The following DPP3 variants were observed in gnomAD, a reference collection of about 807,000 sequenced individuals.
DPP3 encodes the protein DPP III.
Under a neutral mutation model 89.8 loss-of-function variants are expected in DPP3, and 64 were observed. The ratio of observed to expected loss-of-function variants is 0.71; its 90% CI spans 0.58 to 0.88. DPP3 has a LOEUF of 0.88. Ranked by LOEUF, DPP3 falls within the 40% of genes least tolerant of loss-of-function variation. The pLI, the probability that DPP3 is intolerant of heterozygous loss-of-function variation, is 0.00. For missense variants in DPP3, 835 were observed against 972.5 expected, an observed-to-expected ratio of 0.86 and a Z score of 1.88; for synonymous variants, 377 against 404.3, an observed-to-expected ratio of 0.93 and a Z score of 0.81.
chr11:66,496,953 G>A (rs1006227912), intron 15 of DPP3, among the ~76,000 whole-genome samples: 7 of 152,164 alleles, frequency 4.6e-5, no homozygotes, highest in Non-Finnish European at 8.8e-5. Context: ...AGTGTTTGGG[G>A]ACCCTGGAGG....
At chr11:66,487,132 C>G (rs1167625444) in intron 4 of DPP3, 136 bp from the exon 5 acceptor site, 1 of 793,506 alleles carries the variant, frequency 1.3e-6, no homozygotes, top group African/African-American at 1.7e-5. Flanking sequence ...ATAACTTTTT[C>G]CCCTGGAGGT....
chr11:66,485,311 T>G (rs1855196837), intron 3 of DPP3, 49 bp downstream of exon 3: 1 of 1,570,514 alleles, frequency 6.4e-7, no homozygotes, highest in African/African-American at 1.4e-5. Context: ...GCTGGTGGGG[T>G]AGAGATGGAA....
rs201608803 is a variant in DPP3, at chr11:66,487,977, G to A, written c.637G>A (p.Glu213Lys). 1.9e-6 allele frequency: 3 copies of A among 1,614,048 alleles called. No homozygotes were observed. Among genetic ancestry groups the A allele is most frequent in the East Asian group, 2.2e-5 (1 of 44,884 alleles). ...CGATGGAGAAGGGAAGCCCTACTAC[G>A]AGGTGCGGCTGGCTTCTGTGCTTGG... The part of the protein sequence containing the change: ...EVDGEGKPYY[E>K]VRLASVLGSE... The change falls in exon 6 of 18, where the codon GAG becomes AAG. Residue 213 changes from glutamate (E) to lysine (K), a missense_variant. Glu to Lys is a moderately conservative substitution (Grantham distance 56, BLOSUM62 1). Coordinates refer to ENST00000531863, the MANE Select transcript of DPP3 (RefSeq NM_130443.4).
chr11:66,480,484 G>C lies in DPP3; in HGVS notation c.-9+19G>C, dbSNP rs1855042262. 7 of 1,480,240 alleles carry C rather than the reference G, an allele frequency of 4.7e-6. No homozygotes were observed. Among genetic ancestry groups the C allele is most frequent in the Non-Finnish European group, 5.3e-6 (6 of 1,123,752 alleles). The allele number at this position is 1,480,240 out of a possible 1,614,324, so 91.7% of individuals were successfully genotyped here. The stretch of plus-strand genomic sequence containing the variant: ...GCTGCAGGTGAGGCGCGGCGCCTGG[G>C]CTTTTGGGGTCAAAGCGTGTCATCC... On this transcript the variant is annotated intron_variant, in intron 1 of 17. Coordinates refer to ENST00000531863, the MANE Select transcript of DPP3 (RefSeq NM_130443.4).
chr11:66,495,066 T>A, intron 12 of DPP3, 140 bp from the exon 13 acceptor site: 1 of 1,186,298 alleles, frequency 8.4e-7, no homozygotes, highest in Non-Finnish European at 1.2e-6. Context: ...CGTCAGTGTG[T>A]GGACAGACCT....
chr11:66,492,476 C>T (rs1421756370), intron 9 of DPP3: 3 of 481,206 alleles, frequency 6.2e-6, no homozygotes, highest in Non-Finnish European at 1.1e-5. Context: ...ATGACCCAGG[C>T]CCAGGGAGAA....
At chr11:66,492,999 C>T (rs1855435657) in intron 10 of DPP3, 68 bp from the exon 11 acceptor site, 1 of 1,607,850 alleles carries the variant, frequency 6.2e-7, no homozygotes, top group Non-Finnish European at 8.5e-7. Context: ...CCACAAACTG[C>T]TCTGTGCCTC....
chr11:66,497,554 T>C, intron 16 of DPP3, 77 bp downstream of exon 16: 1 of 1,521,468 alleles, frequency 6.6e-7, no homozygotes. Context: ...GCACGGAGAA[T>C]AAGCTGTGAG....
Position 66,497,629 on chromosome 11 carries a change from G to A in DPP3, c.1878+152G>A, listed in dbSNP as rs1389081600. On this transcript the variant is annotated intron_variant, in intron 16 of 17. Coordinates refer to ENST00000531863, the MANE Select transcript of DPP3 (RefSeq NM_130443.4). ...CATGTAAGCGCACCGGGTGCCTCAC[G>A]CCTGTGATCCCAGCACTGTGGGAGG... 1.7e-5 allele frequency: 19 copies of A among 1,138,618 alleles called. No individual in the cohort carries two copies. In the East Asian group the frequency reaches 3.7e-4, roughly 22 times the overall value. 70.5% of individuals were successfully genotyped at this position (1,138,618 alleles called of 1,614,324 possible). A position where few individuals can be genotyped will look rare whatever the true frequency, so the allele number is the denominator to read the frequency against.
chr11:66,489,664 T>C (rs531461881), intron 6 of DPP3, among the ~76,000 whole-genome samples: 1 of 152,322 alleles, frequency 6.6e-6, no homozygotes, highest in Non-Finnish European at 1.5e-5. Flanking sequence ...TCATGGACTC[T>C]GGGTCAGGAA....
intron 17 of DPP3, among the ~76,000 whole-genome samples, chr11:66,507,421 T>C (rs1407893607): frequency 6.6e-6 from 1 of 151,670 alleles, no homozygotes; most frequent in Non-Finnish European, 1.5e-5. Context: ...GAGCCAAGAT[T>C]GCGTCACTGC....
intron 16 of DPP3, among the ~76,000 whole-genome samples, chr11:66,501,297 T>C (rs1207430754): frequency 6.6e-6 from 1 of 151,488 alleles, no homozygotes; most frequent in African/African-American, 2.4e-5. Context: ...GAGGTGGGGA[T>C]TGCAGTGAGC....
rs892655416 is a variant in DPP3 at position 66,480,643 on chromosome 11, C to T, written c.-9+178C>T. 10 of 654,472 alleles carry T rather than the reference C, an allele frequency of 1.5e-5. No homozygotes were observed. In the East Asian group the frequency reaches 2.4e-4, roughly 16 times the overall value. The allele number at this position is 654,472 out of a possible 1,614,324, so 40.5% of individuals were successfully genotyped here. ...GGAGCAAAGAGTTAACAGCCCTTTC[C>T]GAACCTCGAGGCTGTGCTATTGGGG... On this transcript the variant is annotated intron_variant, in intron 1 of 17. Coordinates refer to ENST00000531863, the MANE Select transcript of DPP3 (RefSeq NM_130443.4).
chr11:66,491,689 C>T lies in DPP3; in HGVS notation c.930-9C>T. On this transcript the variant is annotated splice_polypyrimidine_tract_variant and intron_variant, in intron 8 of 17. Coordinates refer to ENST00000531863, the MANE Select transcript of DPP3 (RefSeq NM_130443.4). ...GCCCCTCCTCCACCTCTGCCCTTCT[C>T]TCCCCCAGTTACATCGGGTTCATCG... The T allele has an allele frequency of 6.2e-7, 1 of 1,612,766 alleles. No homozygotes were observed. Among genetic ancestry groups the T allele is most frequent in the South Asian group, 1.1e-5 (1 of 91,020 alleles).
chr11:66,493,367 C>T (rs1486440154), intron 11 of DPP3, among the ~76,000 whole-genome samples, 174 bp from the exon 12 acceptor site: 1 of 152,192 alleles, frequency 6.6e-6, no homozygotes, highest in Non-Finnish European at 1.5e-5. Context: ...GGGAGGCATC[C>T]CTCCCTTCCT....
At chr11:66,481,341 T>G (rs925745046) in intron 1 of DPP3, among the ~76,000 whole-genome samples, 1 of 152,046 alleles carries the variant, frequency 6.6e-6, no homozygotes, top group African/African-American at 2.4e-5. Context: ...ATACAAAAAA[T>G]TAGCTGGGCA....
chr11:66,491,316 T>C lies in DPP3; in HGVS notation c.731T>C (p.Phe244Ser). ...LKSYEFRGSP[F>S]QVTRGDYAPI... ...AGCTATGAATTCCGGGGAAGCCCTTTCCAGGTGACCCGGGGGGACTACGCG... is the reference window on the plus strand; with the variant it reads ...AGCTATGAATTCCGGGGAAGCCCTTCCCAGGTGACCCGGGGGGACTACGCG... Residue 244 changes from phenylalanine (F) to serine (S), a missense_variant, in exon 7 of 18, where the codon TTC becomes TCC. Physicochemically the swap from Phe to Ser is radical, Grantham distance 155. Transcript: ENST00000531863. The C allele has an allele frequency of 2.5e-6, 4 of 1,613,982 alleles. No homozygotes were observed. Among genetic ancestry groups the C allele is most frequent in the Non-Finnish European group, 3.4e-6 (4 of 1,179,990 alleles).
intron 16 of DPP3, among the ~76,000 whole-genome samples, chr11:66,503,525 CAG>C (rs1855729332): frequency 6.6e-6 from 1 of 152,168 alleles, no homozygotes; most frequent in African/African-American, 2.4e-5. Context: ...CAGCATTTTG[CAG>C]AGTGTCTTAG....
chr11:66,502,077 C>T (rs930128037), intron 16 of DPP3, among the ~76,000 whole-genome samples: 1 of 151,846 alleles, frequency 6.6e-6, no homozygotes, highest in Non-Finnish European at 1.5e-5. Context: ...CCTGTAGTCC[C>T]AGCTACTCAG....
Sources: allele counts gnomAD v4.1 joint callset (sites outside exome capture counted in the v4.1 genomes callset), GRCh38; gene constraint gnomAD v4.1.1; transcripts MANE v1.5; gene names NCBI Gene and HGNC (gene_info 2026-07-23, HGNC 2026-07-21).